The following NFIA variants were observed in gnomAD, a reference collection of about 807,000 sequenced individuals.
NFIA encodes the protein nuclear factor I A.
In NFIA, 8 loss-of-function variants were observed where a neutral mutation model predicts 62.8. The ratio of observed to expected loss-of-function variants is 0.13; its 90% confidence interval spans 0.07 to 0.23. NFIA has a LOEUF of 0.23. Ranked by LOEUF, NFIA falls within the 10% of genes least tolerant of loss-of-function variation. The probability of loss-of-function intolerance (pLI) is 1.00; values close to 1 mark genes in which losing one functional copy is unlikely to be tolerated. For missense variants in NFIA, 410 were observed against 642.1 expected (o/e 0.64, Z 3.91); for synonymous variants, 235 against 238.1 (o/e 0.99, Z 0.12).
rs77992027 is a variant in NFIA, at chr1:61,191,886, A to G, written c.560-85634A>G. On this transcript the variant is annotated intron_variant, in intron 2 of 10. Transcript: ENST00000403491. ...GTTTGGGATTTGGCCTTGCCCTTACAGAGACCTGTTAACTTTTCAAACCCG... is the reference window on the plus strand; with the variant it reads ...GTTTGGGATTTGGCCTTGCCCTTACGGAGACCTGTTAACTTTTCAAACCCG... Among the ~76,000 whole-genome samples the G allele has an allele frequency of 2.3e-3, 351 of 152,364 alleles. 3 individuals are homozygous for G. The highest frequency in any genetic ancestry group is 0.015 in the South Asian group (70 of 4,826).
chr1:61,163,433 T>C (rs1484892637), intron 2 of NFIA, among the ~76,000 whole-genome samples: 1 of 152,184 alleles, frequency 6.6e-6, no homozygotes, highest in Non-Finnish European at 1.5e-5. Flanking sequence ...ACCTACCTAA[T>C]TGGTTTTTTT....
At chr1:61,107,625 T>G (rs1207180362) in intron 2 of NFIA, among the ~76,000 whole-genome samples, 2 of 151,720 alleles carry the variant, frequency 1.3e-5, no homozygotes, top group African/African-American at 4.8e-5. Context: ...CTGGCTTGTT[T>G]TAAAATTTTC....
At chr1:61,240,240 G>C (rs1296340875) in intron 2 of NFIA, among the ~76,000 whole-genome samples, 4 of 152,072 alleles carry the variant, frequency 2.6e-5, no homozygotes, top group Non-Finnish European at 4.4e-5. Context: ...TGGAAACATT[G>C]TTATTAATGG....
At chr1:61,447,397 G>T (rs1010303268) in intron 10 of NFIA, among the ~76,000 whole-genome samples, 3 of 152,180 alleles carry the variant, frequency 2.0e-5, no homozygotes, top group Non-Finnish European at 4.4e-5. Flanking sequence ...GCGATAGAAA[G>T]TGTGGCCTGT....
At chr1:61,144,350 T>C (rs1647771707) in intron 2 of NFIA, among the ~76,000 whole-genome samples, 1 of 152,228 alleles carries the variant, frequency 6.6e-6, no homozygotes, top group Admixed American at 6.5e-5. Flanking sequence ...AAACAATTTG[T>C]GTTCCTATGG....
Position 61,126,777 on chromosome 1 carries a change from CTTTTTTTTT to C in NFIA, c.559+38113_559+38121del, listed in dbSNP as rs56255004. Among the ~76,000 whole-genome samples the C allele has an allele frequency of 6.9e-5, 6 of 87,324 alleles. 1 individual carries two copies. Among genetic ancestry groups the C allele is most frequent in the South Asian group, 4.8e-4 (1 of 2,076 alleles). The allele number at this position is 87,324 out of a possible 152,430, so 57.3% of individuals were successfully genotyped here. A position where few individuals can be genotyped will look rare whatever the true frequency, so the allele number is the denominator to read the frequency against. On this transcript the variant is annotated intron_variant, in intron 2 of 10. Coordinates refer to ENST00000403491, the MANE Select transcript of NFIA (RefSeq NM_001134673.4). ...ATGGTCAGTAACTATTGTCAGATTC[CTTTTTTTTT>C]TTTTTTTTTTTTTTTGAAGACAAAG...
At chr1:61,311,921 G>T (rs1216593297) in intron 3 of NFIA, among the ~76,000 whole-genome samples, 1 of 152,194 alleles carries the variant, frequency 6.6e-6, no homozygotes, top group Non-Finnish European at 1.5e-5. Flanking sequence ...CACCAGTGGT[G>T]AAGAGCCCTT....
intron 4 of NFIA, among the ~76,000 whole-genome samples, chr1:61,335,111 A>G (rs922253551): frequency 1.3e-5 from 2 of 152,028 alleles, no homozygotes; most frequent in African/African-American, 2.4e-5. Context: ...TTGGCTCTCA[A>G]ATGCTTTTTG....
At chr1:61,119,939 A>G (rs1025437893) in intron 2 of NFIA, among the ~76,000 whole-genome samples, 10 of 152,194 alleles carry the variant, frequency 6.6e-5, no homozygotes, top group Non-Finnish European at 1.5e-4. Context: ...AAACATTTGA[A>G]GGAAGAAGTT....
At chr1:61,237,231 G>A (rs184653050) in intron 2 of NFIA, among the ~76,000 whole-genome samples, 5 of 152,122 alleles carry the variant, frequency 3.3e-5, no homozygotes, top group African/African-American at 9.7e-5. Context: ...TAGCCATGTC[G>A]CAAGTCAAAG....
chr1:61,156,359 CT>C (rs1162435370), intron 2 of NFIA, among the ~76,000 whole-genome samples: 3 of 152,258 alleles, frequency 2.0e-5, no homozygotes, highest in African/African-American at 4.8e-5. Context: ...TTATGTTCTT[CT>C]TGTGGGACTT....
chr1:61,243,532 A>T lies in NFIA; in HGVS notation c.560-33988A>T, dbSNP rs1441125936. 2.0e-5 allele frequency among the ~76,000 whole-genome samples: 3 copies of T among 152,198 alleles called. No individual in the cohort carries two copies. In the East Asian group the frequency reaches 5.8e-4, roughly 29 times the overall value. On this transcript the variant is annotated intron_variant, in intron 2 of 10. Transcript: ENST00000403491. ...AGATTAAGAATGTGTAATACTGATT[A>T]TTACTTGTCAATTTTGTTGTTTTTT...
chr1:61,217,001 AAATT>A lies in NFIA; in HGVS notation c.560-60499_560-60496del, dbSNP rs144650207. ...GGTGACAGAATGAGACTTCATCTCTAAATTAATTAATTAATTAATTAATAAAAAG... is the reference window on the plus strand; with the variant it reads ...GGTGACAGAATGAGACTTCATCTCTAAATTAATTAATTAATTAATAAAAAG... On this transcript the variant is annotated intron_variant, in intron 2 of 10. Transcript: ENST00000403491. Among the ~76,000 whole-genome samples, 1,255 of 151,562 alleles carry A rather than the reference AAATT, an allele frequency of 8.3e-3. 20 individuals are homozygous for A. Among genetic ancestry groups the A allele is most frequent in the Admixed American group, 0.039 (591 of 15,228 alleles).
intron 2 of NFIA, among the ~76,000 whole-genome samples, chr1:61,094,054 T>C (rs1018802445): frequency 1.3e-5 from 2 of 152,196 alleles, no homozygotes; most frequent in African/African-American, 4.8e-5. Context: ...TCAATATAGA[T>C]TTTTGAAACC....
chr1:61,298,743 T>G (rs1453226084), intron 3 of NFIA, among the ~76,000 whole-genome samples: 1 of 152,172 alleles, frequency 6.6e-6, no homozygotes, highest in Non-Finnish European at 1.5e-5. Context: ...ACAAGGTGTT[T>G]AGCAGGGTCC....
chr1:61,447,661 C>T (rs1319557299), intron 10 of NFIA, among the ~76,000 whole-genome samples: 1 of 152,174 alleles, frequency 6.6e-6, no homozygotes, highest in African/African-American at 2.4e-5. Flanking sequence ...AGATCTCAAG[C>T]AGCTTCCGTG....
chr1:61,265,551 C>T (rs1221731105), intron 2 of NFIA, among the ~76,000 whole-genome samples: 4 of 152,010 alleles, frequency 2.6e-5, no homozygotes, highest in South Asian at 2.1e-4. Flanking sequence ...TGATTAACTC[C>T]CTATATTCAT....
intron 2 of NFIA, among the ~76,000 whole-genome samples, chr1:61,195,319 C>CT (rs1287243330): frequency 6.6e-6 from 1 of 152,072 alleles, no homozygotes. Context: ...TTAATATTAT[C>CT]TTAGCCATAT....
intron 3 of NFIA, among the ~76,000 whole-genome samples, chr1:61,321,483 T>C (rs1161629679): frequency 6.6e-6 from 1 of 151,936 alleles, no homozygotes; most frequent in African/African-American, 2.4e-5. Flanking sequence ...ATATTTAGCC[T>C]GGAAGAGAGA....
Sources: allele counts gnomAD v4.1 joint callset (sites outside exome capture counted in the v4.1 genomes callset), GRCh38; gene constraint gnomAD v4.1.1; transcripts MANE v1.5; gene names NCBI Gene and HGNC (gene_info 2026-07-23, HGNC 2026-07-21).